The following TTC23 variants were observed in gnomAD, a reference collection of about 807,000 sequenced individuals.
TTC23 encodes tetratricopeptide repeat protein 23.
TTC23 carries 58 observed loss-of-function variants against 55.1 expected under a neutral mutation model. The observed-to-expected ratio is 1.05, with a 90% confidence interval of 0.85 to 1.31. TTC23 has a LOEUF of 1.31. Among genes scored for constraint, TTC23 ranks in the 50% most tolerant of loss-of-function variants. The probability of loss-of-function intolerance (pLI) is 0.00; values close to 1 mark genes in which losing one functional copy is unlikely to be tolerated. For missense variants in TTC23, 516 were observed against 534.4 expected (o/e 0.97, Z 0.34); for synonymous variants, 203 against 199.9 (o/e 1.02, Z -0.13).
intron 12 of TTC23, among the ~76,000 whole-genome samples, chr15:99,153,100 G>A (rs1316815422): frequency 6.6e-6 from 1 of 152,252 alleles, no homozygotes; most frequent in African/African-American, 2.4e-5. Context: ...TGCCTGGCCA[G>A]CACTGGCTCT....
intron 12 of TTC23, among the ~76,000 whole-genome samples, chr15:99,146,372 A>C (rs2068860641): frequency 6.6e-6 from 1 of 152,180 alleles, no homozygotes; most frequent in Non-Finnish European, 1.5e-5. Flanking sequence ...CAGCTCAGCG[A>C]TCTGGTTTAG....
In TTC23 at chr15:99,222,271, A is replaced by G. The variant is rs1475259757; in HGVS notation, c.181-407T>C. Among the ~76,000 whole-genome samples, 5 of 151,592 alleles carry G rather than the reference A, an allele frequency of 3.3e-5. No homozygotes were observed. In the East Asian group the frequency reaches 9.7e-4, roughly 29 times the overall value. The stretch of plus-strand genomic sequence containing the variant: ...AATAGTACACTTTGTGTGTGTGTGT[A>G]TGTGTGTGTGTGTATGAGACAGGGT... On this transcript the variant is annotated intron_variant, in intron 5 of 13. Coordinates refer to ENST00000394132, the MANE Select transcript of TTC23 (RefSeq NM_001288615.3).
At chr15:99,218,518 C>A (rs1405340559) in intron 8 of TTC23, 70 bp downstream of exon 8, 1 of 1,601,852 alleles carries the variant, frequency 6.2e-7, no homozygotes, top group East Asian at 2.2e-5. Context: ...GCTCCTCCTA[C>A]CTGAGACAGA....
At chr15:99,178,951 G>C (rs757410790) in intron 9 of TTC23, among the ~76,000 whole-genome samples, 10 of 152,144 alleles carry the variant, frequency 6.6e-5, no homozygotes, top group Non-Finnish European at 1.2e-4. Context: ...CCTACCTGCA[G>C]GGACCTTGAG....
In TTC23 at chr15:99,228,418, T is replaced by C. The variant is rs981365719; in HGVS notation, c.180+115A>G. On this transcript the variant is annotated intron_variant, in intron 5 of 13. Coordinates refer to ENST00000394132, the MANE Select transcript of TTC23 (RefSeq NM_001288615.3). ...ATAACAAAGGCACTGTCTTATATAC[T>C]TTCTTGTATCAAACTGCTGAGATTA... 6 of 961,102 alleles carry C rather than the reference T, an allele frequency of 6.2e-6. No individual in the cohort carries two copies. In the African/African-American group the frequency reaches 9.9e-5, roughly 16 times the overall value. 59.5% of individuals were successfully genotyped at this position (961,102 alleles called of 1,614,324 possible). A position where few individuals can be genotyped will look rare whatever the true frequency, so the allele number is the denominator to read the frequency against.
intron 10 of TTC23, among the ~76,000 whole-genome samples, chr15:99,173,144 C>G (rs2073145117): frequency 6.6e-6 from 1 of 152,236 alleles, no homozygotes; most frequent in Non-Finnish European, 1.5e-5. Context: ...CCCACCTCCC[C>G]TTACTCTGCC....
rs1255093820 is a variant in TTC23, at chr15:99,197,054, A to G, written c.759+2865T>C. Among the ~76,000 whole-genome samples the G allele has an allele frequency of 4.0e-5, 6 of 149,704 alleles. No homozygotes were observed. In the South Asian group the frequency reaches 6.3e-4, roughly 16 times the overall value. On this transcript the variant is annotated intron_variant, in intron 9 of 13. Coordinates refer to ENST00000394132, the MANE Select transcript of TTC23 (RefSeq NM_001288615.3). ...CCTTTTGTAACTGCCAACTACACTT[A>G]CTGTTTTTGCTCCCTCATATCTCAC... is the stretch of plus-strand genomic sequence containing the variant.
intron 10 of TTC23, among the ~76,000 whole-genome samples, chr15:99,174,565 C>T (rs1242720989): frequency 2.0e-5 from 3 of 152,106 alleles, no homozygotes; most frequent in African/African-American, 7.2e-5. Context: ...GATGCTCTAC[C>T]TATTACGCGG....
chr15:99,181,097 C>A (rs1360817867), intron 9 of TTC23, among the ~76,000 whole-genome samples: 4 of 152,262 alleles, frequency 2.6e-5, no homozygotes, highest in African/African-American at 9.6e-5. Flanking sequence ...ATTAAGCCTC[C>A]AGGAGATGAG....
chr15:99,251,027 A>G (rs2080694584), upstream of TTC23: 1 of 147,016 alleles, frequency 6.8e-6, no homozygotes, highest in Admixed American at 6.9e-5. Context: ...ACGAACGCTC[A>G]ACGTGGGATC....
At chr15:99,230,408 C>G (rs896818122) in intron 4 of TTC23, among the ~76,000 whole-genome samples, 2 of 151,910 alleles carry the variant, frequency 1.3e-5, no homozygotes, top group Non-Finnish European at 2.9e-5. Context: ...TAAAGAAAAG[C>G]AGACTAGAGG....
intron 5 of TTC23, among the ~76,000 whole-genome samples, chr15:99,226,162 C>T (rs983354357): frequency 6.6e-6 from 1 of 152,186 alleles, no homozygotes; most frequent in Non-Finnish European, 1.5e-5. Flanking sequence ...AACATGAATT[C>T]ACAGACTGAA....
chr15:99,226,076 A>G lies in TTC23; in HGVS notation c.180+2457T>C, dbSNP rs568394197. The stretch of plus-strand genomic sequence containing the variant: ...TTAGAGTATATATTTCCAAGATATC[A>G]AGATCATGAAAAACAAAGTAGGTTA... On this transcript the variant is annotated intron_variant, in intron 5 of 13. Transcript: ENST00000394132. 5.9e-5 allele frequency among the ~76,000 whole-genome samples: 9 copies of G among 152,392 alleles called. No homozygotes were observed. In the East Asian group the frequency reaches 1.7e-3, roughly 29 times the overall value.
chr15:99,210,407 T>C (rs1433810716), intron 8 of TTC23, among the ~76,000 whole-genome samples: 1 of 152,170 alleles, frequency 6.6e-6, no homozygotes, highest in Non-Finnish European at 1.5e-5. Context: ...AGAGCATATC[T>C]TCAACCACAG....
chr15:99,144,037 A>C (rs1172637987), intron 12 of TTC23, among the ~76,000 whole-genome samples: 3 of 152,182 alleles, frequency 2.0e-5, no homozygotes, highest in Non-Finnish European at 4.4e-5. Context: ...AAAGCCCTCG[A>C]AATTCCAGTC....
chr15:99,213,848 A>G (rs1025637379), intron 8 of TTC23, among the ~76,000 whole-genome samples: 1 of 152,168 alleles, frequency 6.6e-6, no homozygotes, highest in Non-Finnish European at 1.5e-5. Flanking sequence ...TGTAGCTTTG[A>G]ATATTCTTGG....
chr15:99,182,223 ATCTCTC>A (rs147417590), intron 9 of TTC23, among the ~76,000 whole-genome samples: 26 of 132,414 alleles, frequency 2.0e-4, no homozygotes, highest in East Asian at 4.5e-4. Context: ...TGTTCCAGAA[ATCTCTC>A]TCTCTCTCTC....
In TTC23 at chr15:99,139,353, G is replaced by A; in HGVS notation, c.1190C>T (p.Thr397Ile). 7 of 1,613,994 alleles carry A rather than the reference G, an allele frequency of 4.3e-6. No homozygotes were observed. Among genetic ancestry groups the A allele is most frequent in the Non-Finnish European group, 5.1e-6 (6 of 1,180,046 alleles). The change falls in exon 13 of 14, where the codon ACT becomes ATT. Residue 397 changes from threonine (T) to isoleucine (I), a missense_variant. Physicochemically the swap from Thr to Ile is moderately conservative, Grantham distance 89. Coordinates refer to ENST00000394132, the MANE Select transcript of TTC23 (RefSeq NM_001288615.3). ...GCCCATGGCCTGCTGGGTGGCCAGA[G>A]TCCTTTTGTCCTGCGGTCCATATAA... ...TLLYGPQDKR[T>I]LATQQAMGML... is the part of the protein sequence containing the mutation.
intron 8 of TTC23, among the ~76,000 whole-genome samples, chr15:99,206,036 G>T (rs1379762091): frequency 2.6e-5 from 4 of 152,110 alleles, no homozygotes; most frequent in Admixed American, 6.5e-5. Flanking sequence ...TATCATGAAG[G>T]GATGTTGAAT....
Sources: allele counts gnomAD v4.1 joint callset (sites outside exome capture counted in the v4.1 genomes callset), GRCh38; gene constraint gnomAD v4.1.1; transcripts MANE v1.5; gene names NCBI Gene and HGNC (gene_info 2026-07-23, HGNC 2026-07-21).